Variants in CD247 observed in about 807,000 individuals in gnomAD.
CD247 encodes CD247 molecule, also known as T-cell surface glycoprotein CD3 zeta chain.
In CD247, 13 loss-of-function variants were observed where a neutral mutation model predicts 30.0. That is an observed-to-expected ratio of 0.43 (90% CI 0.28 to 0.69). CD247 has a LOEUF of 0.69. Ranked by LOEUF, CD247 falls within the 30% of genes least tolerant of loss-of-function variation. The pLI, the probability that CD247 is intolerant of heterozygous loss-of-function variation, is 0.16. For synonymous variants in CD247, 72 were observed against 80.0 expected (o/e 0.90, Z 0.53); for missense variants, 193 against 212.6 (o/e 0.91, Z 0.57).
intron 1 of CD247, among the ~76,000 whole-genome samples, chr1:167,475,306 C>T (rs1653700631): frequency 6.6e-6 from 1 of 152,094 alleles, no homozygotes; most frequent in African/African-American, 2.4e-5. Context: ...TTTCTATATC[C>T]CTACCCAGTC....
At chr1:167,483,714 G>A (rs749316201) in intron 1 of CD247, among the ~76,000 whole-genome samples, 1 of 152,264 alleles carries the variant, frequency 6.6e-6, no homozygotes, top group African/African-American at 2.4e-5. Flanking sequence ...CTGCAGGGCA[G>A]TGCCTGCTCT....
At chr1:167,433,967 G>T (rs1651402757) in intron 6 of CD247, 53 bp downstream of exon 6, 1 of 1,465,822 alleles carries the variant, frequency 6.8e-7, no homozygotes, top group Non-Finnish European at 9.6e-7. Context: ...CAGCAGGCGT[G>T]TCTGGAGGAC....
chr1:167,468,026 G>A (rs7523351), intron 1 of CD247, among the ~76,000 whole-genome samples: 1 of 152,056 alleles, frequency 6.6e-6, no homozygotes, highest in African/African-American at 2.4e-5. Flanking sequence ...AAAACTGAGG[G>A]AGAAGGCTTA....
At chr1:167,493,958 T>A (rs772915720) in intron 1 of CD247, among the ~76,000 whole-genome samples, 3 of 152,170 alleles carry the variant, frequency 2.0e-5, no homozygotes, top group Non-Finnish European at 4.4e-5. Flanking sequence ...CCCTATATGC[T>A]CTCACCATTG....
At chr1:167,465,106 T>C (rs1209105018) in intron 1 of CD247, among the ~76,000 whole-genome samples, 1 of 152,108 alleles carries the variant, frequency 6.6e-6, no homozygotes, top group Admixed American at 6.6e-5. Flanking sequence ...ATTTCTTTCC[T>C]TCCTTCCCCA....
chr1:167,434,206 G>A (rs1651416578), intron 5 of CD247, 130 bp from the exon 6 acceptor site: 1 of 825,108 alleles, frequency 1.2e-6, no homozygotes, highest in South Asian at 1.3e-5. Flanking sequence ...CCACAATCAA[G>A]GCTCCAAACC....
At chr1:167,444,814 CTG>C (rs1032075497) in intron 1 of CD247, among the ~76,000 whole-genome samples, 1 of 152,204 alleles carries the variant, frequency 6.6e-6, no homozygotes, top group African/African-American at 2.4e-5. Context: ...TTCTTATACA[CTG>C]TACTTCTGAA....
intron 1 of CD247, among the ~76,000 whole-genome samples, chr1:167,445,981 C>T (rs1156730606): frequency 6.6e-6 from 1 of 152,140 alleles, no homozygotes; most frequent in Non-Finnish European, 1.5e-5. Flanking sequence ...AAACAGGGGG[C>T]TACTTTTGGG....
At chr1:167,517,351 G>A (rs1020264144) in intron 1 of CD247, among the ~76,000 whole-genome samples, 3 of 152,192 alleles carry the variant, frequency 2.0e-5, no homozygotes, top group South Asian at 4.1e-4. Flanking sequence ...TACCAGGAGC[G>A]ATCAGGTGGG....
At chr1:167,477,960 T>C (rs937594113) in intron 1 of CD247, among the ~76,000 whole-genome samples, 1 of 152,230 alleles carries the variant, frequency 6.6e-6, no homozygotes, top group African/African-American at 2.4e-5. Context: ...GGGTCTCCCC[T>C]TCTGTCCTGA....
chr1:167,446,484 C>A (rs1652083019), intron 1 of CD247, among the ~76,000 whole-genome samples: 1 of 152,192 alleles, frequency 6.6e-6, no homozygotes, highest in Admixed American at 6.5e-5. Context: ...AGGGCTTTGA[C>A]AAGACCGATT....
At chr1:167,476,790 T>C (rs539671506) in intron 1 of CD247, among the ~76,000 whole-genome samples, 1 of 152,172 alleles carries the variant, frequency 6.6e-6, no homozygotes, top group Admixed American at 6.5e-5. Context: ...AGAGTGAGAC[T>C]GTGTCTCAAA....
chr1:167,508,563 A>G (rs573374865), intron 1 of CD247, among the ~76,000 whole-genome samples: 1 of 152,352 alleles, frequency 6.6e-6, no homozygotes, highest in Non-Finnish European at 1.5e-5. Flanking sequence ...GAAAACGGAC[A>G]AGATTCATTT....
At chr1:167,448,496 T>C in intron 1 of CD247, 1 of 984,958 alleles carries the variant, frequency 1.0e-6, no homozygotes, top group Non-Finnish European at 1.2e-6. Context: ...GCCTGGGGGG[T>C]TGACAGATAC....
intron 1 of CD247, among the ~76,000 whole-genome samples, chr1:167,481,476 G>A (rs1449540405): frequency 6.6e-6 from 1 of 152,192 alleles, no homozygotes; most frequent in Non-Finnish European, 1.5e-5. Context: ...GGAGCAGAGG[G>A]AGGATGGGTT....
intron 1 of CD247, among the ~76,000 whole-genome samples, chr1:167,493,018 A>G (rs1021212631): frequency 1.2e-5 from 1 of 86,874 alleles, no homozygotes; most frequent in African/African-American, 4.4e-5. Context: ...ATTTTGCCCT[A>G]TTTTCCCTAA....
chr1:167,439,711 G>T (rs902318245), intron 2 of CD247: 91 of 425,618 alleles, frequency 2.1e-4, no homozygotes, highest in Non-Finnish European at 3.0e-4. Flanking sequence ...CTTGGTCTGC[G>T]CCCCCGGGGA....
At chr1:167,504,129 A>G (rs990479253) in intron 1 of CD247, among the ~76,000 whole-genome samples, 4 of 152,162 alleles carry the variant, frequency 2.6e-5, no homozygotes, top group Non-Finnish European at 5.9e-5. Context: ...GCCTGGGGCC[A>G]AAGGCTGGCT....
At chr1:167,503,668 A>T (rs1655002903) in intron 1 of CD247, among the ~76,000 whole-genome samples, 1 of 152,084 alleles carries the variant, frequency 6.6e-6, no homozygotes, top group African/African-American at 2.4e-5. Context: ...CTTTGTTATA[A>T]ACGTCACTGA....
Sources: allele counts gnomAD v4.1 joint callset (sites outside exome capture counted in the v4.1 genomes callset), GRCh38; gene constraint gnomAD v4.1.1; transcripts MANE v1.5; gene names NCBI Gene and HGNC (gene_info 2026-07-23, HGNC 2026-07-21).